MLIP: variants seen among roughly 807,000 people sequenced by gnomAD.
MLIP encodes the protein muscular LMNA interacting protein, also known as muscular LMNA-interacting protein.
In MLIP, 79 loss-of-function variants were observed where a neutral mutation model predicts 84.8. The observed-to-expected ratio is 0.93, with a 90% confidence interval of 0.78 to 1.12. The LOEUF (loss-of-function observed/expected upper bound fraction) is 1.12. Among genes scored for constraint, MLIP ranks in the 50% most tolerant of loss-of-function variants. The pLI is 0.00. For missense variants in MLIP, 1,257 were observed against 1,160.6 expected (o/e 1.08, Z -1.21); for synonymous variants, 504 against 463.0 (o/e 1.09, Z -1.14).
intron 2 of MLIP, among the ~76,000 whole-genome samples, chr6:54,124,059 C>A (rs1322039356): frequency 6.6e-6 from 1 of 152,030 alleles, no homozygotes; most frequent in African/African-American, 2.4e-5. Context: ...ATTTTAGAAA[C>A]TTTCAATGGG....
intron 5 of MLIP, among the ~76,000 whole-genome samples, chr6:54,156,737 T>G (rs922033781): frequency 2.6e-5 from 4 of 152,120 alleles, no homozygotes; most frequent in Non-Finnish European, 5.9e-5. Flanking sequence ...GTTTACCCAG[T>G]GATTCATCAT....
intron 8 of MLIP, among the ~76,000 whole-genome samples, chr6:54,164,388 G>T (rs1774972293): frequency 6.6e-6 from 1 of 151,750 alleles, no homozygotes; most frequent in African/African-American, 2.4e-5. Context: ...TCAAGATTTT[G>T]GTCAGTATCT....
chr6:54,099,473 C>T (rs778690975), intron 1 of MLIP: 5 of 151,932 alleles, frequency 3.3e-5, no homozygotes, highest in African/African-American at 4.8e-5. Flanking sequence ...TTTGAAGGCT[C>T]GCCCATCTCC....
chr6:54,217,953 G>T, intron 11 of MLIP: 1 of 985,388 alleles, frequency 1.0e-6, no homozygotes, highest in African/African-American at 1.7e-5. Flanking sequence ...GGTGGAAGTA[G>T]GGCACAAGTT....
intron 5 of MLIP, among the ~76,000 whole-genome samples, chr6:54,155,618 T>A (rs2150545994): frequency 1.3e-5 from 2 of 152,228 alleles, no homozygotes; most frequent in Middle Eastern, 6.8e-3. Flanking sequence ...TAACTCCATA[T>A]ATTTGACTAA....
intron 1 of MLIP, among the ~76,000 whole-genome samples, chr6:54,042,024 T>G (rs970999244): frequency 3.3e-5 from 5 of 152,222 alleles, no homozygotes; most frequent in African/African-American, 9.6e-5. Flanking sequence ...ATCAGGTCAA[T>G]TTTTCCTAAT....
At position 54,249,149 on chromosome 6, in the gene MLIP, T is replaced by A. The variant is rs1036246966; in HGVS notation, c.2923-8159T>A. Among the ~76,000 whole-genome samples, 5 of 152,012 alleles carry A rather than the reference T, an allele frequency of 3.3e-5. 1 individual carries two copies. The highest frequency in any genetic ancestry group is 1.2e-4 in the African/African-American group (5 of 41,410). On this transcript the variant is annotated intron_variant, in intron 12 of 13. Coordinates refer to ENST00000502396, the MANE Select transcript of MLIP (RefSeq NM_001281747.2). Reference sequence around the variant, plus strand: ...TTTCTGAGGTAGCATCAGTTATCAATCAATAGATTTTTTTGCTTAAGCATC... The same window carrying A: ...TTTCTGAGGTAGCATCAGTTATCAAACAATAGATTTTTTTGCTTAAGCATC...
chr6:54,202,288 AAAT>A, intron 11 of MLIP, 55 bp downstream of exon 11: 1 of 727,604 alleles, frequency 1.4e-6, no homozygotes, highest in Non-Finnish European at 1.7e-6. Flanking sequence ...AATATATATA[AAAT>A]ATATATAAAT....
At chr6:54,043,384 A>C (rs1047827191) in intron 1 of MLIP, 1 of 152,172 alleles carries the variant, frequency 6.6e-6, no homozygotes, top group African/African-American at 2.4e-5. Context: ...AGATGTAATG[A>C]ATTGAAATGA....
At chr6:54,127,692 A>G (rs2150454943) in intron 3 of MLIP, among the ~76,000 whole-genome samples, 1 of 152,294 alleles carries the variant, frequency 6.6e-6, no homozygotes, top group South Asian at 2.1e-4. Context: ...GCATATTATC[A>G]GGGACATAGT....
chr6:54,189,706 A>G (rs1052333214), intron 9 of MLIP, among the ~76,000 whole-genome samples, 164 bp from the exon 10 acceptor site: 10 of 152,322 alleles, frequency 6.6e-5, no homozygotes, highest in Admixed American at 6.5e-4. Context: ...AAAAATATTA[A>G]AAATCATTTC....
At chr6:54,163,938 T>G (rs1774914239) in intron 8 of MLIP, among the ~76,000 whole-genome samples, 1 of 151,976 alleles carries the variant, frequency 6.6e-6, no homozygotes, top group African/African-American at 2.4e-5. Context: ...TTGCTGCGAA[T>G]AAAATTGTAG....
chr6:54,213,792 G>A (rs1040387665), intron 11 of MLIP, among the ~76,000 whole-genome samples: 3 of 139,964 alleles, frequency 2.1e-5, no homozygotes, highest in South Asian at 4.6e-4. Context: ...ACAAAAAAAA[G>A]TTTTTTTTTA....
At chr6:54,037,860 G>A (rs1018532164) in intron 1 of MLIP, among the ~76,000 whole-genome samples, 3 of 151,870 alleles carry the variant, frequency 2.0e-5, no homozygotes, top group African/African-American at 7.2e-5. Context: ...CAGTTGTGGG[G>A]TTGTCTTTGG....
chr6:54,093,959 A>G (rs1228588461), intron 1 of MLIP, among the ~76,000 whole-genome samples: 1 of 152,192 alleles, frequency 6.6e-6, no homozygotes, highest in Non-Finnish European at 1.5e-5. Flanking sequence ...AATGTAAAGC[A>G]CTTACAATTT....
chr6:54,225,211 G>T (rs903575723), intron 11 of MLIP, among the ~76,000 whole-genome samples: 1 of 151,936 alleles, frequency 6.6e-6, no homozygotes, highest in South Asian at 2.1e-4. Context: ...TCTTTTTTGC[G>T]CAAGCCTCAT....
At chr6:54,070,417 C>T (rs988856431) in intron 1 of MLIP, among the ~76,000 whole-genome samples, 2 of 152,130 alleles carry the variant, frequency 1.3e-5, no homozygotes, top group African/African-American at 2.4e-5. Context: ...ATTTTAGCCA[C>T]AAAAACATGC....
intron 1 of MLIP, among the ~76,000 whole-genome samples, chr6:54,080,955 C>T (rs1306896580): frequency 1.3e-5 from 2 of 152,020 alleles, no homozygotes; most frequent in African/African-American, 4.8e-5. Flanking sequence ...CTTCCCCTCA[C>T]CATCCTCACC....
Position 54,196,669 on chromosome 6 carries a change from T to C in MLIP, c.2590-5436T>C, listed in dbSNP as rs190485955. On this transcript the variant is annotated intron_variant, in intron 10 of 13. Coordinates refer to ENST00000502396, the MANE Select transcript of MLIP (RefSeq NM_001281747.2). ...CCATATTGAATTATAGTCAGCACAC[T>C]GAGCTTCTGTCTGTCAATTAACTTA... 1.3e-3 allele frequency among the ~76,000 whole-genome samples: 204 copies of C among 152,250 alleles called. 1 individual carries two copies. The highest frequency in any genetic ancestry group is 3.7e-3 in the African/African-American group (154 of 41,566).
Sources: gnomAD v4.1 joint callset for allele counts (sites outside exome capture counted in the v4.1 genomes callset) on GRCh38, gnomAD v4.1.1 for gene constraint, MANE v1.5 for transcripts, NCBI Gene and HGNC (gene_info 2026-07-23, HGNC 2026-07-21) for gene names.